The following ADGRB3 variants were observed in gnomAD, a reference collection of about 807,000 sequenced individuals.
ADGRB3 encodes the protein brain-specific angiogenesis inhibitor 3.
In ADGRB3, 37 loss-of-function variants were observed where a neutral mutation model predicts 193.4. That is an observed-to-expected ratio of 0.19 (90% CI 0.15 to 0.25). ADGRB3 has a LOEUF of 0.25. ADGRB3 is among the 10% of genes least tolerant of loss of function. ADGRB3 has a pLI of 1.00. For missense variants in ADGRB3, 1,637 were observed against 1,852.9 expected (o/e 0.88, Z 2.14); for synonymous variants, 690 against 644.2 (o/e 1.07, Z -1.08).
At chr6:68,937,505 A>G (rs1393571362) in intron 5 of ADGRB3, among the ~76,000 whole-genome samples, 1 of 152,212 alleles carries the variant, frequency 6.6e-6, no homozygotes, top group African/African-American at 2.4e-5. Context: ...ATGGGTGACT[A>G]TAAACATATT....
chr6:68,780,226 C>A (rs1766827380), intron 3 of ADGRB3, among the ~76,000 whole-genome samples: 1 of 152,024 alleles, frequency 6.6e-6, no homozygotes, highest in Non-Finnish European at 1.5e-5. Flanking sequence ...CTATTTTCTT[C>A]TTTGTCTAGT....
chr6:69,217,650 G>A (rs1765795696), intron 17 of ADGRB3, among the ~76,000 whole-genome samples: 2 of 152,152 alleles, frequency 1.3e-5, no homozygotes. Flanking sequence ...GGTTGGGCAG[G>A]GACTTAGATT....
intron 13 of ADGRB3, among the ~76,000 whole-genome samples, chr6:69,022,521 A>T (rs1469983327): frequency 6.6e-6 from 1 of 151,898 alleles, no homozygotes; most frequent in African/African-American, 2.4e-5. Context: ...TTCTCTTATT[A>T]TCTTTCTGAA....
chr6:69,189,116 C>T (rs1019548337), intron 17 of ADGRB3, among the ~76,000 whole-genome samples: 3 of 151,746 alleles, frequency 2.0e-5, no homozygotes, highest in Non-Finnish European at 4.4e-5. Context: ...GTGTACTTTC[C>T]AAACACTTAG....
intron 3 of ADGRB3, among the ~76,000 whole-genome samples, chr6:68,896,155 T>G (rs923757492): frequency 2.0e-5 from 3 of 152,144 alleles, no homozygotes; most frequent in African/African-American, 7.2e-5. Context: ...AAGTAGTACT[T>G]GAAAGTTAGA....
intron 17 of ADGRB3, among the ~76,000 whole-genome samples, chr6:69,186,394 T>C (rs1369293590): frequency 6.6e-6 from 1 of 152,036 alleles, no homozygotes; most frequent in Non-Finnish European, 1.5e-5. Context: ...AAATATATAA[T>C]TCATTGCAAA....
rs549909259 is a variant in ADGRB3, at chr6:69,250,019, A to G, written c.2814+10793A>G. On this transcript the variant is annotated intron_variant, in intron 20 of 31. Transcript: ENST00000370598. ...TGAAGAAGAAATGACTAGCTTTAAC[A>G]GTAAACACATAAGCAGAAGAATTTT... Among the ~76,000 whole-genome samples, 31 of 152,348 alleles carry G rather than the reference A, an allele frequency of 2.0e-4. 2 individuals are homozygous for G. In the South Asian group the frequency reaches 6.4e-3, roughly 32 times the overall value.
chr6:68,741,864 ATTC>A (rs951255802), intron 3 of ADGRB3, among the ~76,000 whole-genome samples: 123 of 152,280 alleles, frequency 8.1e-4, no homozygotes, highest in African/African-American at 2.8e-3. Flanking sequence ...TCCTTTTTGC[ATTC>A]TTCTTCTTAT....
chr6:68,819,526 C>CT (rs1767707228), intron 3 of ADGRB3, among the ~76,000 whole-genome samples: 1 of 151,902 alleles, frequency 6.6e-6, no homozygotes, highest in Non-Finnish European at 1.5e-5. Context: ...ATTGATACCT[C>CT]TAGGGACATG....
At chr6:68,899,150 T>C (rs1475159261) in intron 3 of ADGRB3, among the ~76,000 whole-genome samples, 2 of 152,146 alleles carry the variant, frequency 1.3e-5, no homozygotes. Flanking sequence ...TACGATTTTC[T>C]CAACTTTTAT....
chr6:68,671,457 A>G (rs188205702), intron 3 of ADGRB3, among the ~76,000 whole-genome samples: 1 of 151,948 alleles, frequency 6.6e-6, no homozygotes, highest in Non-Finnish European at 1.5e-5. Flanking sequence ...GAGGGTTTTT[A>G]TCATGAAGGG....
At chr6:69,208,585 T>C (rs571701506) in intron 17 of ADGRB3, among the ~76,000 whole-genome samples, 24 of 152,334 alleles carry the variant, frequency 1.6e-4, no homozygotes, top group Admixed American at 5.2e-4. Flanking sequence ...CTGTCCACTT[T>C]AGGGTGGTGC....
chr6:68,859,420 C>T (rs566958623), intron 3 of ADGRB3, among the ~76,000 whole-genome samples: 17 of 152,302 alleles, frequency 1.1e-4, no homozygotes, highest in South Asian at 6.2e-4. Flanking sequence ...AGCAACACCC[C>T]ACTCCTGGTA....
intron 3 of ADGRB3, among the ~76,000 whole-genome samples, chr6:68,791,277 A>G (rs1302676867): frequency 1.3e-5 from 2 of 152,168 alleles, no homozygotes; most frequent in Non-Finnish European, 2.9e-5. Context: ...TATGCACGTA[A>G]TTACAGAGTG....
chr6:68,737,717 A>G (rs1340717257), intron 3 of ADGRB3, among the ~76,000 whole-genome samples: 2 of 152,264 alleles, frequency 1.3e-5, no homozygotes, highest in East Asian at 1.9e-4. Flanking sequence ...GTTCTCAATG[A>G]TTACAAATCA....
intron 3 of ADGRB3, among the ~76,000 whole-genome samples, chr6:68,785,654 TCCTTTG>T (rs1442762182): frequency 2.0e-5 from 3 of 152,156 alleles, no homozygotes; most frequent in African/African-American, 7.2e-5. Context: ...TAATTTATAA[TCCTTTG>T]TGTATATACA....
At chr6:69,236,074 T>C (rs556694339) in intron 19 of ADGRB3, among the ~76,000 whole-genome samples, 1 of 152,144 alleles carries the variant, frequency 6.6e-6, no homozygotes, top group African/African-American at 2.4e-5. Flanking sequence ...TTAATCTTTA[T>C]TCACTTAAGA....
chr6:68,822,739 G>C (rs1042245345), intron 3 of ADGRB3, among the ~76,000 whole-genome samples: 13 of 151,922 alleles, frequency 8.6e-5, no homozygotes, highest in Admixed American at 2.0e-4. Flanking sequence ...AAACTCTGTA[G>C]TGATCTTAAG....
chr6:69,126,687 A>G (rs1206993785), intron 17 of ADGRB3, among the ~76,000 whole-genome samples: 1 of 151,902 alleles, frequency 6.6e-6, no homozygotes, highest in Non-Finnish European at 1.5e-5. Flanking sequence ...AATCTCTTCC[A>G]GAAATACCCT....
Sources: allele counts gnomAD v4.1 joint callset (sites outside exome capture counted in the v4.1 genomes callset), GRCh38; gene constraint gnomAD v4.1.1; transcripts MANE v1.5; gene names NCBI Gene and HGNC (gene_info 2026-07-23, HGNC 2026-07-21).